Variants in MAP3K20 observed in about 807,000 individuals in gnomAD.
MAP3K20 encodes the protein mitogen-activated protein kinase kinase kinase 20.
MAP3K20 carries 40 observed loss-of-function variants against 85.7 expected under a neutral mutation model. The observed-to-expected ratio is 0.47, with a 90% confidence interval of 0.36 to 0.61. The LOEUF is 0.61. Ranked by LOEUF, MAP3K20 falls within the 20% of genes least tolerant of loss-of-function variation. The probability of loss-of-function intolerance (pLI) is 0.00; values close to 1 mark genes in which losing one functional copy is unlikely to be tolerated. For synonymous variants in MAP3K20, 325 were observed against 327.7 expected (o/e 0.99, Z 0.09); for missense variants, 817 against 961.7 (o/e 0.85, Z 1.99).
chr2:173,239,295 A>G, intron 15 of MAP3K20, 109 bp from the exon 16 acceptor site: 2 of 809,642 alleles, frequency 2.5e-6, no homozygotes, highest in Non-Finnish European at 3.7e-6. Flanking sequence ...ACCAAAAGTT[A>G]ATAGATTAGA....
At chr2:173,217,089 GACTT>G (rs1371134046) in intron 10 of MAP3K20, 22 bp from the exon 11 acceptor site, 2 of 1,471,732 alleles carry the variant, frequency 1.4e-6, no homozygotes, top group Admixed American at 4.4e-5. Flanking sequence ...GTAAAGTTGA[GACTT>G]ACACCAGCTA....
At chr2:173,102,667 G>A (rs1168101967) in intron 2 of MAP3K20, among the ~76,000 whole-genome samples, 2 of 152,194 alleles carry the variant, frequency 1.3e-5, no homozygotes, top group African/African-American at 2.4e-5. Context: ...TGTTAAAGAG[G>A]GAGGAGACTG....
At chr2:173,222,352 C>G (rs899419661) in intron 11 of MAP3K20, 1 of 985,682 alleles carries the variant, frequency 1.0e-6, no homozygotes, top group Non-Finnish European at 1.2e-6. Flanking sequence ...CAAAGTAAAG[C>G]CTGAGCAGTG....
At position 173,099,936 on chromosome 2, in the gene MAP3K20, A is replaced by G. The variant is rs544024900; in HGVS notation, c.159+8746A>G. Among the ~76,000 whole-genome samples, 188 of 152,360 alleles carry G rather than the reference A, an allele frequency of 1.2e-3. 3 individuals are homozygous for G. Among genetic ancestry groups the G allele is most frequent in the African/African-American group, 4.3e-3 (180 of 41,584 alleles). ...GTATGTAGAAGAGTGCTTGACTCAT[A>G]GGAAGACTTGGATAACTGTTAACGA... On this transcript the variant is annotated intron_variant, in intron 2 of 19. Coordinates refer to ENST00000375213, the MANE Select transcript of MAP3K20 (RefSeq NM_016653.3).
At chr2:173,108,968 C>CCT (rs1687863782) in intron 2 of MAP3K20, among the ~76,000 whole-genome samples, 3 of 152,216 alleles carry the variant, frequency 2.0e-5, no homozygotes, top group Admixed American at 2.0e-4. Flanking sequence ...GGCAGTTCAC[C>CCT]CCTCTGTTGA....
intron 2 of MAP3K20, among the ~76,000 whole-genome samples, chr2:173,149,890 A>G (rs1186816865): frequency 6.6e-6 from 1 of 152,240 alleles, no homozygotes; most frequent in Non-Finnish European, 1.5e-5. Context: ...TGAATGGAGA[A>G]TACAGTACAT....
chr2:173,194,090 T>C (rs1690746799), intron 7 of MAP3K20, among the ~76,000 whole-genome samples: 1 of 152,184 alleles, frequency 6.6e-6, no homozygotes. Context: ...GCCATTTCAG[T>C]GAGTGAGTCT....
chr2:173,144,841 C>G (rs1689091804), intron 2 of MAP3K20, among the ~76,000 whole-genome samples: 1 of 152,150 alleles, frequency 6.6e-6, no homozygotes, highest in South Asian at 2.1e-4. Context: ...GATTTCAAGA[C>G]TTAATCCAAA....
At chr2:173,157,834 G>T (rs1184880026) in intron 2 of MAP3K20, among the ~76,000 whole-genome samples, 2 of 152,218 alleles carry the variant, frequency 1.3e-5, no homozygotes, top group Non-Finnish European at 2.9e-5. Flanking sequence ...GTGTCAGGAA[G>T]ACTTGGAAAT....
chr2:173,078,181 G>T lies in MAP3K20; in HGVS notation c.-35+2179G>T, dbSNP rs1039672942. On this transcript the variant is annotated intron_variant, in intron 1 of 19. Coordinates refer to ENST00000375213, the MANE Select transcript of MAP3K20 (RefSeq NM_016653.3). The stretch of plus-strand genomic sequence containing the variant: ...TTCAGAAGAGAGGAGAGAATCAGTG[G>T]TTTTTTTGTTTTTGTTTTGTTTTTG... Among the ~76,000 whole-genome samples the T allele has an allele frequency of 3.3e-5, 5 of 151,586 alleles. No individual in the cohort carries two copies. In the East Asian group the frequency reaches 7.7e-4, roughly 23 times the overall value.
At chr2:173,095,506 G>T (rs1687433549) in intron 2 of MAP3K20, among the ~76,000 whole-genome samples, 1 of 152,166 alleles carries the variant, frequency 6.6e-6, no homozygotes, top group Non-Finnish European at 1.5e-5. Context: ...CATGGCTCTG[G>T]TTAGCTACAT....
At chr2:173,167,167 G>A (rs914061341) in intron 2 of MAP3K20, among the ~76,000 whole-genome samples, 3 of 151,604 alleles carry the variant, frequency 2.0e-5, no homozygotes, top group African/African-American at 4.8e-5. Context: ...CACCCGCCTC[G>A]GCCTCCCAAA....
Position 173,206,867 on chromosome 2 carries a change from G to A in MAP3K20, c.745-2862G>A, listed in dbSNP as rs62175825. ...ACATCCATTTTCTGGCTAGAAATAC[G>A]TAGCAATTCAACCAGAAGTTAGTGC... On this transcript the variant is annotated intron_variant, in intron 9 of 19. Coordinates refer to ENST00000375213, the MANE Select transcript of MAP3K20 (RefSeq NM_016653.3). Among the ~76,000 whole-genome samples the A allele has an allele frequency of 2.9e-3, 444 of 151,824 alleles. 3 individuals are homozygous for A. The highest frequency in any genetic ancestry group is 3.9e-3 in the Non-Finnish European group (262 of 67,944).
Position 173,166,625 on chromosome 2 carries a change from G to A in MAP3K20, c.160-3180G>A, listed in dbSNP as rs559805731. The A allele has an allele frequency of 7.0e-4, 101 of 143,608 alleles. 1 individual carries two copies. Among genetic ancestry groups the A allele is most frequent in the Non-Finnish European group, 1.3e-3 (84 of 64,554 alleles). 8.9% of individuals were successfully genotyped at this position (143,608 alleles called of 1,614,324 possible). A position where few individuals can be genotyped will look rare whatever the true frequency, so the allele number is the denominator to read the frequency against. ...ATTAAACAAAAATAAAATCAATACAGTTTAAATTAACGATTGTTATCCAAT... is the reference window on the plus strand; with the variant it reads ...ATTAAACAAAAATAAAATCAATACAATTTAAATTAACGATTGTTATCCAAT... On this transcript the variant is annotated intron_variant, in intron 2 of 19. Transcript: ENST00000375213.
At chr2:173,164,832 C>T (rs572627672) in intron 2 of MAP3K20, among the ~76,000 whole-genome samples, 123 of 152,296 alleles carry the variant, frequency 8.1e-4, no homozygotes, top group Non-Finnish European at 1.6e-3. Flanking sequence ...TGTCTGGAAA[C>T]ATGGCAAACT....
chr2:173,186,572 T>C (rs1370490843), intron 4 of MAP3K20, among the ~76,000 whole-genome samples: 1 of 152,084 alleles, frequency 6.6e-6, no homozygotes, highest in African/African-American at 2.4e-5. Flanking sequence ...ATTTAAAAAT[T>C]AACCTCTCTA....
chr2:173,173,579 C>A (rs1406617172), intron 3 of MAP3K20, among the ~76,000 whole-genome samples: 1 of 152,180 alleles, frequency 6.6e-6, no homozygotes, highest in Non-Finnish European at 1.5e-5. Context: ...TCTCATTTCC[C>A]TTAACTTGAT....
chr2:173,086,162 T>C (rs1377376381), intron 1 of MAP3K20, among the ~76,000 whole-genome samples: 1 of 152,160 alleles, frequency 6.6e-6, no homozygotes, highest in Non-Finnish European at 1.5e-5. Flanking sequence ...TGTAAATAAA[T>C]TTATATAGAT....
chr2:173,083,030 ATTACT>A (rs1421200662), intron 1 of MAP3K20, among the ~76,000 whole-genome samples: 6 of 152,356 alleles, frequency 3.9e-5, no homozygotes, highest in South Asian at 4.1e-4. Context: ...TCACTACTAA[ATTACT>A]TTAATATTTC....
Sources: allele counts gnomAD v4.1 joint callset (sites outside exome capture counted in the v4.1 genomes callset), GRCh38; gene constraint gnomAD v4.1.1; transcripts MANE v1.5; gene names NCBI Gene and HGNC (gene_info 2026-07-23, HGNC 2026-07-21).